RBM6: variants seen among roughly 807,000 people sequenced by gnomAD.
RBM6 encodes the protein RNA binding motif protein 6, also known as RNA-binding protein 6.
RBM6 carries 23 observed loss-of-function variants against 140.4 expected under a neutral mutation model. That is an observed-to-expected ratio of 0.16 (90% CI 0.12 to 0.23). The LOEUF is 0.23. RBM6 is among the 10% of genes least tolerant of loss of function. The pLI is 1.00. For synonymous variants in RBM6, 439 were observed against 475.6 expected (o/e 0.92, Z 1.00); for missense variants, 1,139 against 1,386.7 (o/e 0.82, Z 2.84).
Position 50,048,313 on chromosome 3 carries a change from C to T in RBM6, c.1626C>T (p.Cys542=). 2.5e-6 allele frequency: 4 copies of T among 1,612,228 alleles called. No homozygotes were observed. Among genetic ancestry groups the T allele is most frequent in the Non-Finnish European group, 3.4e-6 (4 of 1,179,128 alleles). The part of the protein sequence containing the change: ...EYVSSLDFWY[C]KRCKANIGGH... The stretch of plus-strand genomic sequence containing the variant: ...TATCAAGCCTGGATTTTTGGTACTG[C>T]AAACGAGTAAGTACCAAGAATCCCT... Residue 542 remains cysteine, a synonymous_variant, in exon 7 of 21, where the codon TGC becomes TGT. Transcript: ENST00000266022.
chr3:50,001,796 T>G lies in RBM6; in HGVS notation c.1557+2283T>G, dbSNP rs571842203. On this transcript the variant is annotated intron_variant, in intron 6 of 20. Transcript: ENST00000266022. ...AGAACACTCATTAATTCATAAGCAG[T>G]GAATGTGATTAAGTCGTTCGCCTCT... Among the ~76,000 whole-genome samples, 190 of 152,318 alleles carry G rather than the reference T, an allele frequency of 1.2e-3. 7 individuals carry two copies. In the South Asian group the frequency reaches 0.039, roughly 31 times the overall value.
intron 6 of RBM6, among the ~76,000 whole-genome samples, chr3:50,034,726 A>T (rs1243535296): frequency 6.6e-6 from 1 of 152,108 alleles, no homozygotes; most frequent in African/African-American, 2.4e-5. Flanking sequence ...ACAACACTGC[A>T]CTCCAGCCTG....
At chr3:49,941,883 T>G (rs1339170595) in intron 1 of RBM6, among the ~76,000 whole-genome samples, 2 of 148,574 alleles carry the variant, frequency 1.3e-5, no homozygotes, top group Non-Finnish European at 3.0e-5. Flanking sequence ...ATAGTATTTC[T>G]AAAACAAATT....
chr3:49,962,010 A>G (rs1045973875), intron 1 of RBM6, among the ~76,000 whole-genome samples: 1 of 151,824 alleles, frequency 6.6e-6, no homozygotes, highest in Non-Finnish European at 1.5e-5. Flanking sequence ...CAAAAAAATT[A>G]GCTGGGCGGC....
At chr3:49,955,800 C>G (rs933561562) in intron 1 of RBM6, among the ~76,000 whole-genome samples, 1 of 151,564 alleles carries the variant, frequency 6.6e-6, no homozygotes, top group African/African-American at 2.4e-5. Context: ...CCATTGCACT[C>G]CAGCCTGGGT....
At chr3:50,000,789 T>C (rs1265563717) in intron 6 of RBM6, among the ~76,000 whole-genome samples, 1 of 152,224 alleles carries the variant, frequency 6.6e-6, no homozygotes, top group Admixed American at 6.5e-5. Flanking sequence ...TCTTCTTCTG[T>C]AGCCTGATGC....
chr3:49,959,270 G>T (rs2084165611), intron 1 of RBM6, among the ~76,000 whole-genome samples: 3 of 141,592 alleles, frequency 2.1e-5, no homozygotes, highest in Admixed American at 7.3e-5. Context: ...CTCACTGCAA[G>T]CTCCGCCTCC....
chr3:50,047,052 C>A, intron 6 of RBM6: 1 of 439,546 alleles, frequency 2.3e-6, no homozygotes, highest in Non-Finnish European at 3.0e-6. Flanking sequence ...GGAATAGTGT[C>A]TCAGACCAGA....
At chr3:50,042,210 A>G (rs2088958254) in intron 6 of RBM6, among the ~76,000 whole-genome samples, 1 of 152,226 alleles carries the variant, frequency 6.6e-6, no homozygotes, top group South Asian at 2.1e-4. Flanking sequence ...ATGAAGAGTA[A>G]TTGTGACTTT....
rs186416801 is a variant in RBM6, at chr3:50,014,369, A to G, written c.1557+14856A>G. Among the ~76,000 whole-genome samples, 83 of 152,364 alleles carry G rather than the reference A, an allele frequency of 5.4e-4. No individual in the cohort carries two copies. In the East Asian group the frequency reaches 0.015, roughly 28 times the overall value. On this transcript the variant is annotated intron_variant, in intron 6 of 20. Coordinates refer to ENST00000266022, the MANE Select transcript of RBM6 (RefSeq NM_005777.3). ...AAGGTAATAAACATTCTTAAAATAT[A>G]CTATCACTAAGGTAGTCTGTCATCC...
At chr3:50,003,682 G>A (rs148321497) in intron 6 of RBM6, among the ~76,000 whole-genome samples, 83 of 152,302 alleles carry the variant, frequency 5.4e-4, no homozygotes, top group Middle Eastern at 6.8e-3. Context: ...AGATCAAGCT[G>A]TTAAACAGTA....
chr3:50,035,829 C>T (rs957544980), intron 6 of RBM6, among the ~76,000 whole-genome samples: 3 of 151,436 alleles, frequency 2.0e-5, no homozygotes, highest in African/African-American at 2.4e-5. Flanking sequence ...GGCGTGATTT[C>T]GGCTCACTGC....
At position 50,061,508 on chromosome 3, in the gene RBM6, T is replaced by C. The variant is rs747898910; in HGVS notation, c.2400T>C (p.Tyr800=). 6.2e-7 allele frequency: 1 copy of C among 1,609,788 alleles called. No homozygotes were observed. The highest frequency in any genetic ancestry group is 8.5e-7 in the Non-Finnish European group (1 of 1,179,064). ...ATGATTCTGCTACTGGCTACTATTA[T>C]GACCCCTTGGCAGGAACTTATTATG... ...YIYDSATGYY[Y]DPLAGTYYDP... The change falls in exon 14 of 21, where the codon TAT becomes TAC. Residue 800 remains tyrosine (Y), a synonymous_variant. Transcript: ENST00000266022.
chr3:49,957,606 C>T (rs1476730927), intron 1 of RBM6, among the ~76,000 whole-genome samples: 1 of 152,102 alleles, frequency 6.6e-6, no homozygotes, highest in Non-Finnish European at 1.5e-5. Context: ...ACTTAAGTTC[C>T]ATAGTATACA....
At chr3:49,975,456 T>C in intron 5 of RBM6, 64 bp downstream of exon 5, 13 of 1,331,944 alleles carry the variant, frequency 9.8e-6, no homozygotes, top group Non-Finnish European at 1.4e-5. Flanking sequence ...CTCTGCATCA[T>C]GTGCTACTTA....
At chr3:50,051,891 A>T (rs2089482226) in intron 7 of RBM6, among the ~76,000 whole-genome samples, 1 of 152,236 alleles carries the variant, frequency 6.6e-6, no homozygotes, top group Non-Finnish European at 1.5e-5. Context: ...TGCCAGACAC[A>T]GAAGACCATA....
intron 17 of RBM6, among the ~76,000 whole-genome samples, chr3:50,067,444 T>A (rs1305994217): frequency 6.6e-6 from 1 of 152,174 alleles, no homozygotes; most frequent in Middle Eastern, 3.2e-3. Flanking sequence ...GGGTTTCTCA[T>A]CTTAGCTGTG....
intron 8 of RBM6, among the ~76,000 whole-genome samples, chr3:50,055,675 T>C (rs1362175791): frequency 6.6e-6 from 1 of 152,224 alleles, no homozygotes; most frequent in African/African-American, 2.4e-5. Flanking sequence ...TTGAAGTTAT[T>C]GGGAATCATT....
At chr3:50,015,072 GTTT>G (rs1197968414) in intron 6 of RBM6, among the ~76,000 whole-genome samples, 2 of 128,296 alleles carry the variant, frequency 1.6e-5, no homozygotes, top group East Asian at 4.7e-4. Context: ...AAAAAAAAAA[GTTT>G]TTTATTTTTA....
Sources: gnomAD v4.1 joint callset for allele counts (sites outside exome capture counted in the v4.1 genomes callset) on GRCh38, gnomAD v4.1.1 for gene constraint, MANE v1.5 for transcripts, NCBI Gene and HGNC (gene_info 2026-07-23, HGNC 2026-07-21) for gene names.